The following LMX1A variants were observed in gnomAD, a reference collection of about 807,000 sequenced individuals.
The protein encoded by LMX1A is LIM homeobox transcription factor 1-alpha.
In LMX1A, 15 loss-of-function variants were observed where a neutral mutation model predicts 49.1. That is an observed-to-expected ratio of 0.31 (90% CI 0.20 to 0.47). The LOEUF (loss-of-function observed/expected upper bound fraction) is 0.47, where lower values mean the gene tolerates loss of function less well. Ranked by LOEUF, LMX1A falls within the 20% of genes least tolerant of loss-of-function variation. The probability of loss-of-function intolerance (pLI) is 1.00; values close to 1 mark genes in which losing one functional copy is unlikely to be tolerated. For missense variants in LMX1A, 372 were observed against 475.8 expected (o/e 0.78, Z 2.03); for synonymous variants, 167 against 185.7 (o/e 0.90, Z 0.82).
At chr1:165,255,603 AT>A (rs1395865617) in intron 3 of LMX1A, among the ~76,000 whole-genome samples, 1 of 152,134 alleles carries the variant, frequency 6.6e-6, no homozygotes, top group Admixed American at 6.5e-5. Context: ...GTGTAGTGCA[AT>A]TTTTTGGGCC....
chr1:165,350,081 T>A (rs1218697764), intron 3 of LMX1A, among the ~76,000 whole-genome samples: 1 of 149,132 alleles, frequency 6.7e-6, no homozygotes, highest in African/African-American at 2.5e-5. Context: ...AAGTGCTCCC[T>A]AATTTACCAT....
intron 4 of LMX1A, among the ~76,000 whole-genome samples, chr1:165,222,204 C>T (rs547982219): frequency 4.6e-4 from 70 of 152,252 alleles, no homozygotes; most frequent in Admixed American, 1.8e-3. Context: ...AACCATAACT[C>T]GTTTTGTTTT....
At chr1:165,320,306 C>A (rs1005138319) in intron 3 of LMX1A, among the ~76,000 whole-genome samples, 1 of 152,170 alleles carries the variant, frequency 6.6e-6, no homozygotes, top group African/African-American at 2.4e-5. Flanking sequence ...CCATAGAGAG[C>A]GTGCCACAAA....
rs184111127 is a variant in LMX1A, at chr1:165,346,635, G to A, written c.263+6441C>T. Among the ~76,000 whole-genome samples, 15 of 152,328 alleles carry A rather than the reference G, an allele frequency of 9.8e-5. No individual in the cohort carries two copies. The East Asian group carries it at 2.1e-3, about 22-fold the overall frequency. ...AAGTATACCCACAGGGTAGGAAACC[G>A]ATGAAGGGCCGCAGTTTTCTTCCTT... On this transcript the variant is annotated intron_variant, in intron 3 of 8. Coordinates refer to ENST00000342310, the MANE Select transcript of LMX1A (RefSeq NM_177398.4).
chr1:165,226,439 T>C (rs1433648557), intron 4 of LMX1A, among the ~76,000 whole-genome samples: 1 of 152,192 alleles, frequency 6.6e-6, no homozygotes, highest in East Asian at 1.9e-4. Flanking sequence ...ATCCAATGTG[T>C]GGGCTTAGCT....
intron 3 of LMX1A, among the ~76,000 whole-genome samples, chr1:165,326,057 C>T (rs1296861184): frequency 6.6e-6 from 1 of 152,052 alleles, no homozygotes; most frequent in Non-Finnish European, 1.5e-5. Flanking sequence ...CTCGTGCAGC[C>T]CCTGGTCCCT....
chr1:165,203,930 T>C lies in LMX1A; in HGVS notation c.1099A>G (p.Asn367Asp). 1 of 1,614,126 alleles carries C rather than the reference T, an allele frequency of 6.2e-7. No individual in the cohort carries two copies. Among genetic ancestry groups the C allele is most frequent in the Non-Finnish European group, 8.5e-7 (1 of 1,180,026 alleles). Residue 367 changes from asparagine (N) to aspartate (D), a missense_variant, in exon 9 of 9, where the codon AAC becomes GAC. By Grantham distance (23) the Asn-to-Asp change is conservative (BLOSUM62 1). Around this residue, in one of 3 missense-constraint regions of LMX1A, gnomAD observed 127 missense variants for 138.0 expected, o/e 0.92. Coordinates refer to ENST00000342310, the MANE Select transcript of LMX1A (RefSeq NM_177398.4). The part of the protein sequence containing the change: ...EAGPLQSRVG[N>D]PIDHLYSMQN... Reference sequence around the variant, plus strand: ...ATGGAGTACAGATGGTCAATGGGGTTTCCCACTCTGGACTGCAGAGGCCCA... The same window carrying C: ...ATGGAGTACAGATGGTCAATGGGGTCTCCCACTCTGGACTGCAGAGGCCCA...
intron 4 of LMX1A, among the ~76,000 whole-genome samples, chr1:165,242,982 G>A (rs905688177): frequency 3.3e-5 from 5 of 150,034 alleles, no homozygotes; most frequent in Non-Finnish European, 5.9e-5. Flanking sequence ...ATTGCAGCAC[G>A]ATGTACTGGA....
chr1:165,256,118 G>A (rs1420258886), intron 3 of LMX1A, among the ~76,000 whole-genome samples: 9 of 152,170 alleles, frequency 5.9e-5, no homozygotes, highest in African/African-American at 1.4e-4. Flanking sequence ...CACACTGCTC[G>A]TGGTGCAGGC....
At chr1:165,280,611 C>G (rs1654116279) in intron 3 of LMX1A, among the ~76,000 whole-genome samples, 1 of 152,172 alleles carries the variant, frequency 6.6e-6, no homozygotes, top group Non-Finnish European at 1.5e-5. Flanking sequence ...CAATAGTTAT[C>G]ATTAGTGCTA....
chr1:165,314,886 T>C (rs1391695630), intron 3 of LMX1A, among the ~76,000 whole-genome samples: 1 of 152,168 alleles, frequency 6.6e-6, no homozygotes, highest in Non-Finnish European at 1.5e-5. Context: ...CCACTTGGCA[T>C]CAGATGGAGC....
chr1:165,312,258 TA>T (rs2101734771), intron 3 of LMX1A, among the ~76,000 whole-genome samples: 1 of 152,338 alleles, frequency 6.6e-6, no homozygotes, highest in East Asian at 1.9e-4. Context: ...TATGGTATGA[TA>T]GGCACAGTAC....
intron 3 of LMX1A, among the ~76,000 whole-genome samples, chr1:165,312,489 AG>A: frequency 6.6e-6 from 1 of 151,984 alleles, no homozygotes; most frequent in Non-Finnish European, 1.5e-5. Flanking sequence ...GCTCTATGAC[AG>A]GGGAAGTCAC....
Position 165,230,453 on chromosome 1 carries a change from T to C in LMX1A, c.497-16640A>G, listed in dbSNP as rs548703740. On this transcript the variant is annotated intron_variant, in intron 4 of 8. Coordinates refer to ENST00000342310, the MANE Select transcript of LMX1A (RefSeq NM_177398.4). Reference sequence around the variant, plus strand: ...GATAGTAATCTGTGTCTTAATATTCTCTGATGAACTTCTCAAGTTTTATTT... The same window carrying C: ...GATAGTAATCTGTGTCTTAATATTCCCTGATGAACTTCTCAAGTTTTATTT... Among the ~76,000 whole-genome samples, 8 of 152,328 alleles carry C rather than the reference T, an allele frequency of 5.3e-5. No homozygotes were observed. In the South Asian group the frequency reaches 1.5e-3, roughly 28 times the overall value.
chr1:165,247,529 A>G (rs533541128), intron 4 of LMX1A, among the ~76,000 whole-genome samples: 2 of 152,292 alleles, frequency 1.3e-5, no homozygotes, highest in South Asian at 4.2e-4. Context: ...CCTCAAATCA[A>G]AATAAATCCA....
chr1:165,335,044 C>T (rs1655858895), intron 3 of LMX1A, among the ~76,000 whole-genome samples: 1 of 152,170 alleles, frequency 6.6e-6, no homozygotes, highest in East Asian at 1.9e-4. Context: ...AAGAGGTTTA[C>T]TGTGTGTTCA....
At chr1:165,283,283 A>G (rs1473746374) in intron 3 of LMX1A, among the ~76,000 whole-genome samples, 1 of 152,262 alleles carries the variant, frequency 6.6e-6, no homozygotes, top group Non-Finnish European at 1.5e-5. Context: ...CACACAGCCT[A>G]AATGTGTAGT....
Position 165,343,255 on chromosome 1 carries a change from T to C in LMX1A, c.263+9821A>G, listed in dbSNP as rs555676855. 3.5e-3 allele frequency among the ~76,000 whole-genome samples: 535 copies of C among 152,238 alleles called. 1 individual carries two copies. The highest frequency in any genetic ancestry group is 0.012 in the African/African-American group (512 of 41,558). On this transcript the variant is annotated intron_variant, in intron 3 of 8. Transcript: ENST00000342310. ...ACAGAACAAGTAAGACCCTTGCCCA[T>C]GGTAACACAGCTAAGGAACAGCGGG...
intron 4 of LMX1A, among the ~76,000 whole-genome samples, chr1:165,224,614 C>T (rs1465090969): frequency 6.6e-6 from 1 of 152,190 alleles, no homozygotes; most frequent in Non-Finnish European, 1.5e-5. Flanking sequence ...GTATCCTCCA[C>T]AACACAACAA....
Sources: gnomAD v4.1 joint callset for allele counts (sites outside exome capture counted in the v4.1 genomes callset) on GRCh38, gnomAD v4.1.1 for gene constraint, gnomAD v4.1.1 regional missense constraint, MANE v1.5 for transcripts, NCBI Gene and HGNC (gene_info 2026-07-23, HGNC 2026-07-21) for gene names.